Variants in KCNT2 observed in about 807,000 individuals in gnomAD.
KCNT2 encodes the protein potassium sodium-activated channel subfamily T member 2.
A neutral mutation model predicts 153.8 loss-of-function variants in KCNT2; 67 were observed. The ratio of observed to expected loss-of-function variants is 0.44; its 90% CI spans 0.36 to 0.53. KCNT2 has a LOEUF of 0.53. Ranked by LOEUF, KCNT2 falls within the 20% of genes least tolerant of loss-of-function variation. KCNT2 has a pLI of 0.00. For synonymous variants in KCNT2, 500 were observed against 458.8 expected (o/e 1.09, Z -1.15); for missense variants, 975 against 1,354.8 (o/e 0.72, Z 4.40).
chr1:196,390,618 C>G (rs1670393443), intron 13 of KCNT2, among the ~76,000 whole-genome samples: 1 of 151,186 alleles, frequency 6.6e-6, no homozygotes, highest in Admixed American at 6.6e-5. Flanking sequence ...CAACATTTCC[C>G]CTAGAGTTAT....
intron 20 of KCNT2, among the ~76,000 whole-genome samples, chr1:196,317,797 G>A (rs1226317219): frequency 6.6e-6 from 1 of 151,562 alleles, no homozygotes; most frequent in Non-Finnish European, 1.5e-5. Context: ...CTATACCCAC[G>A]TGTGTCGGTT....
intron 13 of KCNT2, among the ~76,000 whole-genome samples, chr1:196,391,978 T>G (rs1330143216): frequency 6.6e-6 from 1 of 151,372 alleles, no homozygotes. Flanking sequence ...ATTGATAACA[T>G]TTGCATATAA....
chr1:196,483,125 G>A (rs1335644149), intron 3 of KCNT2, among the ~76,000 whole-genome samples: 1 of 152,094 alleles, frequency 6.6e-6, no homozygotes, highest in African/African-American at 2.4e-5. Flanking sequence ...CCTGAAGAGA[G>A]GCAGGTGAAT....
intron 12 of KCNT2, among the ~76,000 whole-genome samples, chr1:196,403,495 A>T (rs2148456968): frequency 6.6e-6 from 1 of 151,844 alleles, no homozygotes; most frequent in South Asian, 2.1e-4. Context: ...GTCATATTAC[A>T]TTTATCAAAA....
rs181185059 is a variant in KCNT2 at position 196,342,463 on chromosome 1, T to C, written c.1404-235A>G. Among the ~76,000 whole-genome samples the C allele has an allele frequency of 6.3e-3, 920 of 146,920 alleles. 10 individuals carry two copies. The highest frequency in any genetic ancestry group is 0.022 in the African/African-American group (880 of 40,098). ...ATATATATATGTATATATATATATA[T>C]GCTTGAGAAATGACAGTTTTGTAGA... is the stretch of plus-strand genomic sequence containing the variant. On this transcript the variant is annotated intron_variant, in intron 14 of 27. Coordinates refer to ENST00000294725, the MANE Select transcript of KCNT2 (RefSeq NM_198503.5).
At chr1:196,236,624 T>C (rs1243223555) in intron 26 of KCNT2, among the ~76,000 whole-genome samples, 1 of 151,606 alleles carries the variant, frequency 6.6e-6, no homozygotes, top group Non-Finnish European at 1.5e-5. Flanking sequence ...AAGAATCCTC[T>C]AGAACAGAAT....
chr1:196,586,054 G>A (rs1247427711), intron 1 of KCNT2, among the ~76,000 whole-genome samples: 1 of 152,016 alleles, frequency 6.6e-6, no homozygotes, highest in Non-Finnish European at 1.5e-5. Flanking sequence ...GAACTCAGGA[G>A]TTTGAGACCA....
intron 14 of KCNT2, among the ~76,000 whole-genome samples, chr1:196,356,804 G>T (rs1305348008): frequency 6.6e-6 from 1 of 151,722 alleles, no homozygotes; most frequent in African/African-American, 2.4e-5. Flanking sequence ...AGGATATAAG[G>T]AGTGTTCAGA....
chr1:196,472,885 C>T (rs1423220472), intron 5 of KCNT2, among the ~76,000 whole-genome samples: 1 of 152,156 alleles, frequency 6.6e-6, no homozygotes, highest in East Asian at 1.9e-4. Context: ...AATTCACCTA[C>T]TGCACTATTA....
intron 9 of KCNT2, among the ~76,000 whole-genome samples, chr1:196,429,230 C>A (rs1673921176): frequency 6.6e-6 from 1 of 151,830 alleles, no homozygotes. Flanking sequence ...CAAGAGAAAT[C>A]AACCCTTCAC....
Position 196,400,888 on chromosome 1 carries a change from T to C in KCNT2, c.1186-2217A>G, listed in dbSNP as rs115453711. 3.1e-3 allele frequency among the ~76,000 whole-genome samples: 472 copies of C among 151,896 alleles called. 3 individuals are homozygous for C. Among genetic ancestry groups the C allele is most frequent in the Non-Finnish European group, 5.5e-3 (371 of 67,844 alleles). On this transcript the variant is annotated intron_variant, in intron 12 of 27. Transcript: ENST00000294725. ...AACTTGGAGGAAGTATCTTGCATGT[T>C]ATAATTTCCCTGTTTTTGCTGCTGT...
chr1:196,545,179 G>A (rs954710660), intron 1 of KCNT2, among the ~76,000 whole-genome samples: 2 of 152,012 alleles, frequency 1.3e-5, no homozygotes, highest in Admixed American at 6.6e-5. Flanking sequence ...TATAAATTAT[G>A]AGAGTTTCCC....
chr1:196,346,158 T>C (rs1396255984), intron 14 of KCNT2, among the ~76,000 whole-genome samples: 1 of 152,116 alleles, frequency 6.6e-6, no homozygotes, highest in Admixed American at 6.6e-5. Flanking sequence ...AAAAAACTCC[T>C]CCATGATTGG....
chr1:196,475,048 C>T (rs1678410099), intron 5 of KCNT2, among the ~76,000 whole-genome samples: 1 of 152,092 alleles, frequency 6.6e-6, no homozygotes, highest in Non-Finnish European at 1.5e-5. Flanking sequence ...TTTAGTTATG[C>T]TTATTTTAGA....
chr1:196,310,970 T>C (rs1309169696), intron 21 of KCNT2, among the ~76,000 whole-genome samples: 2 of 151,810 alleles, frequency 1.3e-5, no homozygotes, highest in African/African-American at 4.8e-5. Context: ...GAATAGTCAC[T>C]ACCAGGATCT....
intron 25 of KCNT2, among the ~76,000 whole-genome samples, chr1:196,260,617 A>G (rs1006065817): frequency 1.3e-5 from 2 of 151,884 alleles, no homozygotes; most frequent in Admixed American, 6.6e-5. Flanking sequence ...AATGAGAAGA[A>G]TTTGAGGGTT....
chr1:196,567,813 C>G (rs1232432636), intron 1 of KCNT2, among the ~76,000 whole-genome samples: 1 of 152,222 alleles, frequency 6.6e-6, no homozygotes, highest in African/African-American at 2.4e-5. Flanking sequence ...AATTGCTGAA[C>G]AGCATTTACA....
intron 1 of KCNT2, among the ~76,000 whole-genome samples, chr1:196,530,351 A>C (rs1432821604): frequency 6.6e-6 from 1 of 151,996 alleles, no homozygotes; most frequent in Non-Finnish European, 1.5e-5. Flanking sequence ...GCAATAAAAG[A>C]CAATTAGTTA....
At chr1:196,235,373 G>T (rs1654337883) in intron 27 of KCNT2, among the ~76,000 whole-genome samples, 1 of 151,278 alleles carries the variant, frequency 6.6e-6, no homozygotes, top group Non-Finnish European at 1.5e-5. Flanking sequence ...ATTCAGAAAA[G>T]CACTGTCTAT....
Sources: allele counts gnomAD v4.1 joint callset (sites outside exome capture counted in the v4.1 genomes callset), GRCh38; gene constraint gnomAD v4.1.1; transcripts MANE v1.5; gene names NCBI Gene and HGNC (gene_info 2026-07-23, HGNC 2026-07-21).